RIC8B: variants seen among roughly 807,000 people sequenced by gnomAD.
RIC8B encodes chaperone Ric-8B.
RIC8B carries 16 observed loss-of-function variants against 57.5 expected under a neutral mutation model. The ratio of observed to expected loss-of-function variants is 0.28; its 90% CI spans 0.19 to 0.42. The LOEUF (loss-of-function observed/expected upper bound fraction) is 0.42, where lower values mean the gene tolerates loss of function less well. RIC8B is among the 10% of genes least tolerant of loss of function. The pLI is 1.00. For synonymous variants in RIC8B, 216 were observed against 250.8 expected (o/e 0.86, Z 1.31); for missense variants, 481 against 677.0 (o/e 0.71, Z 3.21).
intron 3 of RIC8B, among the ~76,000 whole-genome samples, chr12:106,818,920 C>T (rs552186595): frequency 7.5e-4 from 114 of 152,208 alleles, no homozygotes; most frequent in Non-Finnish European, 1.4e-3. Flanking sequence ...GCATGTGCCA[C>T]CACCCATGGC....
chr12:106,843,298 A>C (rs953485869), intron 5 of RIC8B, among the ~76,000 whole-genome samples: 14 of 152,338 alleles, frequency 9.2e-5, no homozygotes, highest in Admixed American at 3.3e-4. Flanking sequence ...GCAGCAAGGT[A>C]GCATAGTCCA....
intron 2 of RIC8B, among the ~76,000 whole-genome samples, chr12:106,784,898 C>G (rs764645919): frequency 6.6e-6 from 1 of 152,158 alleles, no homozygotes; most frequent in African/African-American, 2.4e-5. Context: ...AGATTTCTTC[C>G]ATCCATTTTC....
At chr12:106,783,898 A>AT (rs2043880159) in intron 1 of RIC8B, 99 bp from the exon 2 acceptor site, 1 of 1,101,476 alleles carries the variant, frequency 9.1e-7, no homozygotes, top group Admixed American at 2.1e-5. Flanking sequence ...GGAAGGCAAC[A>AT]TTTTTTACAG....
intron 2 of RIC8B, among the ~76,000 whole-genome samples, chr12:106,786,276 A>G (rs1005230122): frequency 6.6e-6 from 1 of 150,748 alleles, no homozygotes; most frequent in Non-Finnish European, 1.5e-5. Context: ...CAGCCTCCCA[A>G]GTAGCTGGGA....
At chr12:106,789,868 C>G (rs1255001823) in intron 2 of RIC8B, among the ~76,000 whole-genome samples, 1 of 151,774 alleles carries the variant, frequency 6.6e-6, no homozygotes, top group Non-Finnish European at 1.5e-5. Flanking sequence ...AAACACTAAC[C>G]CCTCTTATAT....
chr12:106,861,139 T>C (rs777278329), intron 8 of RIC8B, among the ~76,000 whole-genome samples: 2 of 152,060 alleles, frequency 1.3e-5, no homozygotes, highest in Non-Finnish European at 2.9e-5. Flanking sequence ...TTTCCGCTTA[T>C]TAGGAGTTAT....
intron 4 of RIC8B, among the ~76,000 whole-genome samples, chr12:106,841,513 A>G (rs1948948465): frequency 6.6e-6 from 1 of 152,188 alleles, no homozygotes; most frequent in African/African-American, 2.4e-5. Flanking sequence ...TCTAAAGTAG[A>G]AGGAGCTACT....
chr12:106,874,452 A>C, intron 9 of RIC8B: 3 of 1,527,382 alleles, frequency 2.0e-6, no homozygotes, highest in Non-Finnish European at 2.7e-6. Context: ...ATGAATGGAC[A>C]CTAGACACTT....
At chr12:106,813,988 T>C (rs181560529) in intron 2 of RIC8B, among the ~76,000 whole-genome samples, 276 of 152,316 alleles carry the variant, frequency 1.8e-3, no homozygotes, top group African/African-American at 6.1e-3. Flanking sequence ...TTTTGAGATA[T>C]TGATAGCAAG....
chr12:106,778,752 A>G (rs1276581993), intron 1 of RIC8B, among the ~76,000 whole-genome samples: 1 of 152,188 alleles, frequency 6.6e-6, no homozygotes, highest in Non-Finnish European at 1.5e-5. Context: ...GAGCACAGAA[A>G]AAGTTTCTTT....
intron 8 of RIC8B, among the ~76,000 whole-genome samples, chr12:106,869,046 C>T (rs1309923780): frequency 2.0e-5 from 3 of 151,960 alleles, no homozygotes; most frequent in Admixed American, 6.5e-5. Flanking sequence ...AGGGACTCTA[C>T]GCCCCTATCT....
intron 4 of RIC8B, among the ~76,000 whole-genome samples, chr12:106,834,020 A>G (rs1464818603): frequency 6.6e-6 from 1 of 152,146 alleles, no homozygotes; most frequent in Non-Finnish European, 1.5e-5. Context: ...TGAGACCCTC[A>G]CCAGAAGCCA....
At chr12:106,848,224 G>A (rs1033513367) in intron 6 of RIC8B, among the ~76,000 whole-genome samples, 2 of 152,174 alleles carry the variant, frequency 1.3e-5, no homozygotes, top group Non-Finnish European at 2.9e-5. Context: ...AAGACCTGAG[G>A]CAGGAAAGTA....
intron 2 of RIC8B, among the ~76,000 whole-genome samples, chr12:106,790,645 CA>C (rs1423083580): frequency 2.0e-5 from 3 of 152,028 alleles, no homozygotes. Flanking sequence ...AGCTCTTAAA[CA>C]AAAAGCTTTA....
chr12:106,835,584 A>G (rs577842983), intron 4 of RIC8B, among the ~76,000 whole-genome samples: 2 of 152,356 alleles, frequency 1.3e-5, no homozygotes, highest in East Asian at 1.9e-4. Flanking sequence ...TGCCTAAGGC[A>G]TACTAGAATT....
chr12:106,785,263 C>G (rs566105987), intron 2 of RIC8B, among the ~76,000 whole-genome samples: 1 of 152,264 alleles, frequency 6.6e-6, no homozygotes, highest in East Asian at 1.9e-4. Flanking sequence ...TTGCTTACTA[C>G]TTTTGCAATA....
chr12:106,849,349 C>T (rs1291619462), intron 6 of RIC8B, among the ~76,000 whole-genome samples: 1 of 148,474 alleles, frequency 6.7e-6, no homozygotes, highest in East Asian at 2.0e-4. Context: ...GACAGGGTCT[C>T]GCTATGTTGC....
At chr12:106,846,229 C>A (rs1949182372) in intron 6 of RIC8B, among the ~76,000 whole-genome samples, 2 of 152,302 alleles carry the variant, frequency 1.3e-5, no homozygotes, top group East Asian at 3.9e-4. Context: ...GTTTAACATA[C>A]CTCAAACTAA....
intron 9 of RIC8B, among the ~76,000 whole-genome samples, chr12:106,878,813 A>G (rs1441286636): frequency 6.8e-6 from 1 of 146,826 alleles, no homozygotes; most frequent in African/African-American, 2.5e-5. Flanking sequence ...GAAGGAAGCA[A>G]TGCCTCATGT....
Sources: allele counts gnomAD v4.1 joint callset (sites outside exome capture counted in the v4.1 genomes callset), GRCh38; gene constraint gnomAD v4.1.1; transcripts MANE v1.5; gene names NCBI Gene and HGNC (gene_info 2026-07-23, HGNC 2026-07-21).